TSHZ2: variants seen among roughly 807,000 people sequenced by gnomAD.
TSHZ2 encodes the protein teashirt homolog 2.
TSHZ2 carries 21 observed loss-of-function variants against 74.4 expected under a neutral mutation model. The ratio of observed to expected loss-of-function variants is 0.28; its 90% CI spans 0.20 to 0.41. The LOEUF (loss-of-function observed/expected upper bound fraction) is 0.41. Ranked by LOEUF, TSHZ2 falls within the 10% of genes least tolerant of loss-of-function variation. TSHZ2 has a pLI of 1.00. For missense variants in TSHZ2, 1,244 were observed against 1,293.5 expected (o/e 0.96, Z 0.59); for synonymous variants, 540 against 515.3 (o/e 1.05, Z -0.65).
chr20:53,216,183 T>C (rs977086151), intron 1 of TSHZ2, among the ~76,000 whole-genome samples: 1 of 152,110 alleles, frequency 6.6e-6, no homozygotes, highest in Non-Finnish European at 1.5e-5. Flanking sequence ...ATTTCAGCAT[T>C]CTATGAAGTC....
chr20:53,438,582 A>T (rs1210033423), intron 2 of TSHZ2, among the ~76,000 whole-genome samples: 2 of 152,234 alleles, frequency 1.3e-5, no homozygotes, highest in Non-Finnish European at 2.9e-5. Context: ...CTTGGGTCAC[A>T]TGCCCAGCCC....
At chr20:53,465,375 A>AGG (rs1416631703) in intron 2 of TSHZ2, among the ~76,000 whole-genome samples, 1 of 151,858 alleles carries the variant, frequency 6.6e-6, no homozygotes, top group Non-Finnish European at 1.5e-5. Context: ...GGTTCAAGAG[A>AGG]TTCTCCTGTC....
intron 2 of TSHZ2, among the ~76,000 whole-genome samples, chr20:53,326,040 C>T (rs1979480225): frequency 6.6e-6 from 1 of 152,184 alleles, no homozygotes; most frequent in Admixed American, 6.5e-5. Flanking sequence ...CCTCAGCCTC[C>T]CAAAGTGCTG....
intron 1 of TSHZ2, among the ~76,000 whole-genome samples, chr20:53,023,740 A>G (rs1459496340): frequency 6.6e-6 from 1 of 152,128 alleles, no homozygotes; most frequent in African/African-American, 2.4e-5. Flanking sequence ...ATTTTGTGAT[A>G]TTCAAACCTG....
At chr20:52,994,758 G>A (rs1431967969) in intron 1 of TSHZ2, among the ~76,000 whole-genome samples, 1 of 151,964 alleles carries the variant, frequency 6.6e-6, no homozygotes, top group Non-Finnish European at 1.5e-5. Context: ...GTTTTTCACT[G>A]CTCACCACGA....
At chr20:53,004,091 A>G (rs994346044) in intron 1 of TSHZ2, among the ~76,000 whole-genome samples, 4 of 152,032 alleles carry the variant, frequency 2.6e-5, no homozygotes, top group African/African-American at 9.7e-5. Flanking sequence ...TTTTTCTAGT[A>G]TAATATCTGT....
rs545237472 is a variant in TSHZ2 at position 53,336,186 on chromosome 20, C to A, written c.*8+79615C>A. On this transcript the variant is annotated intron_variant, in intron 2 of 2. Coordinates refer to ENST00000371497, the MANE Select transcript of TSHZ2 (RefSeq NM_173485.6). ...GGTTGAGCCTGTGACCACTTTGTTA[C>A]AGGGTGGCTGAGCTGCAGGAGAGAA... Among the ~76,000 whole-genome samples, 208 of 152,232 alleles carry A rather than the reference C, an allele frequency of 1.4e-3. 1 individual carries two copies. The highest frequency in any genetic ancestry group is 4.9e-3 in the African/African-American group (203 of 41,546).
chr20:53,367,547 T>A (rs982262076), intron 2 of TSHZ2, among the ~76,000 whole-genome samples: 1 of 152,156 alleles, frequency 6.6e-6, no homozygotes, highest in African/African-American at 2.4e-5. Context: ...GAAAACAAAG[T>A]TACAGAAGTT....
intron 1 of TSHZ2, among the ~76,000 whole-genome samples, chr20:53,028,415 C>T (rs556708850): frequency 2.0e-5 from 3 of 152,348 alleles, no homozygotes; most frequent in South Asian, 2.1e-4. Context: ...AACCCGGTGG[C>T]GGGAACCCTG....
At chr20:53,210,098 G>A (rs1049973458) in intron 1 of TSHZ2, among the ~76,000 whole-genome samples, 1 of 152,250 alleles carries the variant, frequency 6.6e-6, no homozygotes, top group Non-Finnish European at 1.5e-5. Context: ...AGACAGGGGT[G>A]TGGCTTGCCT....
chr20:53,158,204 G>A (rs532377091), intron 1 of TSHZ2, among the ~76,000 whole-genome samples: 4 of 152,294 alleles, frequency 2.6e-5, no homozygotes, highest in Admixed American at 6.5e-5. Context: ...GTCTGGAGCC[G>A]AATGAGGAAG....
chr20:53,130,687 G>C (rs1265526095), intron 1 of TSHZ2, among the ~76,000 whole-genome samples: 1 of 152,342 alleles, frequency 6.6e-6, no homozygotes, highest in Non-Finnish European at 1.5e-5. Flanking sequence ...TCAGAGGAAT[G>C]TGTATGTTGA....
Position 53,238,820 on chromosome 20 carries a change from A to C in TSHZ2, c.41-14679A>C, listed in dbSNP as rs553855869. On this transcript the variant is annotated intron_variant, in intron 1 of 2. Coordinates refer to ENST00000371497, the MANE Select transcript of TSHZ2 (RefSeq NM_173485.6). The stretch of plus-strand genomic sequence containing the variant: ...CCTTATGATGCTATAAGTCAGTCCC[A>C]AGTCAATCTTATATCTAAAAAAAAA... 8.4e-5 allele frequency among the ~76,000 whole-genome samples: 12 copies of C among 142,690 alleles called. No individual in the cohort carries two copies. In the East Asian group the frequency reaches 2.4e-3, roughly 29 times the overall value. The allele number at this position is 142,690 out of a possible 152,430, so 93.6% of individuals were successfully genotyped here.
At chr20:53,446,533 C>T (rs1402239718) in intron 2 of TSHZ2, among the ~76,000 whole-genome samples, 6 of 146,660 alleles carry the variant, frequency 4.1e-5, no homozygotes, top group Non-Finnish European at 5.9e-5. Flanking sequence ...GAGTCAAGAT[C>T]GCACCACTGC....
intron 1 of TSHZ2, among the ~76,000 whole-genome samples, chr20:53,159,044 G>A (rs1249485744): frequency 6.6e-6 from 1 of 152,158 alleles, no homozygotes. Context: ...AAACAAATAC[G>A]ATAGGTACAA....
chr20:53,031,849 A>G (rs1053406008), intron 1 of TSHZ2, among the ~76,000 whole-genome samples: 1 of 152,018 alleles, frequency 6.6e-6, no homozygotes, highest in Non-Finnish European at 1.5e-5. Flanking sequence ...ATTTCTGAAA[A>G]TAGTCTCAGT....
chr20:53,054,039 A>G (rs960703685), intron 1 of TSHZ2, among the ~76,000 whole-genome samples: 11 of 152,222 alleles, frequency 7.2e-5, no homozygotes, highest in African/African-American at 1.4e-4. Flanking sequence ...TTTGGACAAC[A>G]TATTTCCTTG....
intron 1 of TSHZ2, among the ~76,000 whole-genome samples, chr20:53,171,975 A>G (rs932082403): frequency 1.3e-5 from 2 of 152,206 alleles, no homozygotes; most frequent in Non-Finnish European, 2.9e-5. Flanking sequence ...AAGGGGAACA[A>G]AAAAAGAACC....
At chr20:53,161,156 G>C (rs903553293) in intron 1 of TSHZ2, among the ~76,000 whole-genome samples, 3 of 68,578 alleles carry the variant, frequency 4.4e-5, no homozygotes, top group Non-Finnish European at 8.5e-5. Context: ...AAAAAAAATA[G>C]GAGGTAATGC....
Sources: allele counts gnomAD v4.1 joint callset (sites outside exome capture counted in the v4.1 genomes callset), GRCh38; gene constraint gnomAD v4.1.1; transcripts MANE v1.5; gene names NCBI Gene and HGNC (gene_info 2026-07-23, HGNC 2026-07-21).